CENPP: variants seen among roughly 807,000 people sequenced by gnomAD.
CENPP encodes centromere protein P.
A neutral mutation model predicts 35.6 loss-of-function variants in CENPP; 24 were observed. The observed-to-expected ratio is 0.67, with a 90% confidence interval of 0.49 to 0.95. The LOEUF is 0.95. CENPP is among the 40% of genes least tolerant of loss of function. CENPP has a pLI of 0.00. For synonymous variants in CENPP, 120 were observed against 125.5 expected, an observed-to-expected ratio of 0.96 and a Z score of 0.29; for missense variants, 332 against 345.3, an observed-to-expected ratio of 0.96 and a Z score of 0.31.
rs772459772 is a variant in CENPP at position 92,393,040 on chromosome 9, A to G, written c.564+13181A>G. The G allele has an allele frequency of 8.6e-6, 13 of 1,519,746 alleles. No homozygotes were observed. The African/African-American group carries it at 9.6e-5, about 11-fold the overall frequency. The allele number at this position is 1,519,746 out of a possible 1,614,324, so 94.1% of individuals were successfully genotyped here. On this transcript the variant is annotated intron_variant, in intron 5 of 7. Transcript: ENST00000375587. ...AGAAACTTGTGTTTATATGAGTTAA[A>G]TACTAATACGAGTTAATACTAATAT...
chr9:92,440,279 T>C (rs866746671), intron 5 of CENPP, among the ~76,000 whole-genome samples: 2 of 151,952 alleles, frequency 1.3e-5, no homozygotes, highest in Non-Finnish European at 1.5e-5. Context: ...CTGGGCCACA[T>C]TGGAAGAAAA....
chr9:92,397,451 C>T (rs564847096), intron 5 of CENPP, among the ~76,000 whole-genome samples: 3 of 152,212 alleles, frequency 2.0e-5, no homozygotes, highest in African/African-American at 4.8e-5. Flanking sequence ...CTCAGCCTCC[C>T]GAGTAGCTGG....
chr9:92,580,130 C>T (rs1371612931), intron 5 of CENPP, among the ~76,000 whole-genome samples: 1 of 152,114 alleles, frequency 6.6e-6, no homozygotes, highest in Non-Finnish European at 1.5e-5. Context: ...ATTGAACCAG[C>T]CTTGCATCCC....
chr9:92,345,455 G>A (rs1437294853), intron 3 of CENPP, among the ~76,000 whole-genome samples: 4 of 139,878 alleles, frequency 2.9e-5, no homozygotes, highest in African/African-American at 8.1e-5. Context: ...TCGCGCCACT[G>A]CACTCCAGCC....
chr9:92,517,180 C>G (rs1260965207), intron 5 of CENPP: 2 of 157,670 alleles, frequency 1.3e-5, no homozygotes, highest in African/African-American at 4.8e-5. Context: ...CTGCATTTTC[C>G]TGGGATTATC....
chr9:92,614,190 CTG>C lies in CENPP; in HGVS notation c.*1042_*1043del, dbSNP rs1158653677. On this transcript the variant is annotated 3_prime_UTR_variant, in exon 8 of 8. Coordinates refer to ENST00000375587, the MANE Select transcript of CENPP (RefSeq NM_001012267.3). ...GGAGCCCAGCCCACCTTCCCACGGA[CTG>C]GGGTTCCCTCACATGTGCACTTGAA... is the stretch of plus-strand genomic sequence containing the variant. 1 of 152,524 alleles carries C rather than the reference CTG, an allele frequency of 6.6e-6. No homozygotes were observed. The highest frequency in any genetic ancestry group is 2.4e-5 in the African/African-American group (1 of 41,470). The allele number at this position is 152,524 out of a possible 1,614,324, so 9.4% of individuals were successfully genotyped here. A position where few individuals can be genotyped will look rare whatever the true frequency, so the allele number is the denominator to read the frequency against.
chr9:92,478,350 G>A (rs1404247565), intron 5 of CENPP, among the ~76,000 whole-genome samples: 1 of 152,122 alleles, frequency 6.6e-6, no homozygotes, highest in Non-Finnish European at 1.5e-5. Flanking sequence ...ACAATTTCTT[G>A]AGGCTTAATC....
Position 92,428,494 on chromosome 9 carries a change from C to G in CENPP, c.564+48635C>G, listed in dbSNP as rs576178204. 2.6e-5 allele frequency among the ~76,000 whole-genome samples: 4 copies of G among 152,306 alleles called. No homozygotes were observed. The East Asian group carries it at 7.7e-4, about 29-fold the overall frequency. Reference sequence around the variant, plus strand: ...GAACCACTGATGTAAATACTTCTCCCTGACTTTCAAATTGAATCTATTGGT... The same window carrying G: ...GAACCACTGATGTAAATACTTCTCCGTGACTTTCAAATTGAATCTATTGGT... On this transcript the variant is annotated intron_variant, in intron 5 of 7. Transcript: ENST00000375587.
At chr9:92,325,828 G>A, upstream of CENPP, 1 of 557,418 alleles carries the variant, frequency 1.8e-6, no homozygotes, top group Non-Finnish European at 3.2e-6. Flanking sequence ...GTGCGAGAGC[G>A]GAGTTGGACG....
In CENPP at chr9:92,590,464, G is replaced by C. The variant is rs186755268; in HGVS notation, c.565-20850G>C. On this transcript the variant is annotated intron_variant, in intron 5 of 7. Coordinates refer to ENST00000375587, the MANE Select transcript of CENPP (RefSeq NM_001012267.3). The stretch of plus-strand genomic sequence containing the variant: ...CCGAAGTATGACTTTTAGGAAATTG[G>C]AATCTGTCCTTTGGCTATTTTGTCT... Among the ~76,000 whole-genome samples the C allele has an allele frequency of 3.0e-4, 46 of 152,284 alleles. No homozygotes were observed. The East Asian group carries it at 8.3e-3, about 27-fold the overall frequency.
intron 5 of CENPP, among the ~76,000 whole-genome samples, chr9:92,451,624 A>T (rs1232261834): frequency 4.6e-5 from 7 of 152,080 alleles, no homozygotes; most frequent in African/African-American, 1.7e-4. Flanking sequence ...GTTTTTTCCG[A>T]TTCTGTGAAG....
intron 5 of CENPP, chr9:92,511,979 A>G (rs2296666): frequency 0.32 from 484,268 of 1,510,748 alleles, 83,655 homozygotes; most frequent in African/African-American, 0.65. Flanking sequence ...GAAGCCATTC[A>G]TCCAAATAGA....
At chr9:92,567,369 GATAGAT>G (rs1198657241) in intron 5 of CENPP, among the ~76,000 whole-genome samples, 5 of 104,104 alleles carry the variant, frequency 4.8e-5, no homozygotes, top group African/African-American at 1.5e-4. Context: ...AGTTACATAA[GATAGAT>G]ATATATATAT....
intron 5 of CENPP, among the ~76,000 whole-genome samples, chr9:92,488,146 C>T (rs997135559): frequency 6.6e-6 from 1 of 152,074 alleles, no homozygotes; most frequent in Non-Finnish European, 1.5e-5. Context: ...CAGGGTGTAA[C>T]CCATCATAAG....
intron 5 of CENPP, among the ~76,000 whole-genome samples, chr9:92,531,572 G>C (rs1848753428): frequency 6.6e-6 from 1 of 151,776 alleles, no homozygotes; most frequent in African/African-American, 2.4e-5. Context: ...TATATTATAG[G>C]CTATTTATCA....
chr9:92,330,692 T>TG (rs1470910788), intron 1 of CENPP, among the ~76,000 whole-genome samples: 1 of 144,528 alleles, frequency 6.9e-6, no homozygotes, highest in Non-Finnish European at 1.5e-5. Flanking sequence ...TTCTTTGTTT[T>TG]TTTTTTTTTT....
At chr9:92,342,652 A>G (rs969585212) in intron 3 of CENPP, among the ~76,000 whole-genome samples, 1 of 152,258 alleles carries the variant, frequency 6.6e-6, no homozygotes, top group Non-Finnish European at 1.5e-5. Flanking sequence ...TGTGGAATCA[A>G]CAGGGTTTTT....
intron 4 of CENPP, among the ~76,000 whole-genome samples, chr9:92,353,349 G>C (rs145960025): frequency 6.6e-6 from 1 of 152,108 alleles, no homozygotes; most frequent in African/African-American, 2.4e-5. Flanking sequence ...TCAGGGGGTC[G>C]TGTTTTTTTC....
intron 5 of CENPP, among the ~76,000 whole-genome samples, chr9:92,490,053 TAAC>T (rs1846141733): frequency 6.6e-6 from 1 of 152,244 alleles, no homozygotes; most frequent in Non-Finnish European, 1.5e-5. Context: ...GCGAGTTAAG[TAAC>T]TTCCTGCTCA....
Sources: allele counts gnomAD v4.1 joint callset (sites outside exome capture counted in the v4.1 genomes callset), GRCh38; gene constraint gnomAD v4.1.1; transcripts MANE v1.5; gene names NCBI Gene and HGNC (gene_info 2026-07-23, HGNC 2026-07-21).